Variants in CNOT4 observed in about 807,000 individuals in gnomAD.
CNOT4 encodes CCR4-associated factor 4.
A neutral mutation model predicts 73.8 loss-of-function variants in CNOT4; 8 were observed. The observed-to-expected ratio is 0.11, with a 90% CI of 0.06 to 0.20. The LOEUF (loss-of-function observed/expected upper bound fraction) is 0.20. CNOT4 is among the 10% of genes least tolerant of loss of function. CNOT4 has a pLI of 1.00. For synonymous variants in CNOT4, 293 were observed against 321.1 expected (o/e 0.91, Z 0.94); for missense variants, 564 against 883.4 (o/e 0.64, Z 4.58).
At chr7:135,424,831 G>T (rs1798405180) in intron 2 of CNOT4, among the ~76,000 whole-genome samples, 1 of 151,926 alleles carries the variant, frequency 6.6e-6, no homozygotes, top group Non-Finnish European at 1.5e-5. Flanking sequence ...AAACAAACAA[G>T]TTCATTTGAA....
intron 10 of CNOT4, among the ~76,000 whole-genome samples, chr7:135,384,049 T>TAAGCTG (rs1345763614): frequency 2.6e-5 from 4 of 152,200 alleles, no homozygotes; most frequent in Admixed American, 2.0e-4. Flanking sequence ...CTCTTATCTT[T>TAAGCTG]ACACAGCAAC....
chr7:135,475,177 C>G (rs1214812979), intron 1 of CNOT4, among the ~76,000 whole-genome samples: 1 of 152,094 alleles, frequency 6.6e-6, no homozygotes, highest in African/African-American at 2.4e-5. Context: ...ACAAACAAGC[C>G]AAATTCTACA....
At chr7:135,368,310 GCAA>G (rs1043534683) in intron 10 of CNOT4, among the ~76,000 whole-genome samples, 10 of 152,208 alleles carry the variant, frequency 6.6e-5, no homozygotes, top group Middle Eastern at 3.4e-3. Flanking sequence ...CTAGTTTTCA[GCAA>G]CAACAACAGT....
intron 2 of CNOT4, among the ~76,000 whole-genome samples, chr7:135,425,121 A>C (rs567652736): frequency 6.6e-6 from 1 of 152,332 alleles, no homozygotes; most frequent in Admixed American, 6.5e-5. Flanking sequence ...GCCATGCATA[A>C]TAGCACTCTA....
intron 1 of CNOT4, among the ~76,000 whole-genome samples, chr7:135,441,283 G>A (rs1799465702): frequency 6.6e-6 from 1 of 151,464 alleles, no homozygotes; most frequent in Non-Finnish European, 1.5e-5. Context: ...TTTAAAAAAA[G>A]AGGAAAATTG....
intron 7 of CNOT4, among the ~76,000 whole-genome samples, chr7:135,403,644 T>A (rs1380863686): frequency 6.6e-6 from 1 of 152,156 alleles, no homozygotes; most frequent in Non-Finnish European, 1.5e-5. Flanking sequence ...AAATGTGCCT[T>A]ATTAAACCTA....
chr7:135,468,537 C>T (rs1801369903), intron 1 of CNOT4, among the ~76,000 whole-genome samples: 1 of 151,946 alleles, frequency 6.6e-6, no homozygotes, highest in Admixed American at 6.6e-5. Context: ...AAAAGTTAGC[C>T]AGGTGTGGTG....
chr7:135,403,799 C>T (rs1216545753), intron 7 of CNOT4, among the ~76,000 whole-genome samples: 2 of 152,144 alleles, frequency 1.3e-5, no homozygotes, highest in African/African-American at 4.8e-5. Flanking sequence ...AAAATATGGA[C>T]ATCTACTAGC....
At chr7:135,503,679 G>A (rs1804155722) in intron 1 of CNOT4, among the ~76,000 whole-genome samples, 2 of 152,044 alleles carry the variant, frequency 1.3e-5, no homozygotes, top group Admixed American at 1.3e-4. Flanking sequence ...GGAAGACATA[G>A]GTCCCTACTG....
At chr7:135,468,160 G>C (rs968175499) in intron 1 of CNOT4, among the ~76,000 whole-genome samples, 4 of 151,906 alleles carry the variant, frequency 2.6e-5, no homozygotes, top group Admixed American at 2.6e-4. Flanking sequence ...AGCTTGCAGT[G>C]AGCAAAGATG....
intron 7 of CNOT4, among the ~76,000 whole-genome samples, chr7:135,406,236 T>C (rs1797273348): frequency 1.3e-5 from 2 of 151,952 alleles, no homozygotes; most frequent in African/African-American, 4.8e-5. Flanking sequence ...TCTCTGTAAC[T>C]TGGGCCATTA....
At position 135,495,678 on chromosome 7, in the gene CNOT4, AAAAAAAAAAAAAAAAGAAAGAAAG is replaced by A. The variant is rs1563083337; in HGVS notation, c.-93+14187_-93+14210del. 2.0e-3 allele frequency among the ~76,000 whole-genome samples: 189 copies of A among 95,162 alleles called. 1 individual carries two copies. The highest frequency in any genetic ancestry group is 3.4e-3 in the Non-Finnish European group (155 of 46,244). 62.4% of individuals were successfully genotyped at this position (95,162 alleles called of 152,430 possible). A position where few individuals can be genotyped will look rare whatever the true frequency, so the allele number is the denominator to read the frequency against. The stretch of plus-strand genomic sequence containing the variant: ...GAGTGAGACCCTGTGTCAAAAAAAA[AAAAAAAAAAAAAAAAGAAAGAAAG>A]AAAGAAAGAAAGAAAGAAAGAAAGA... On this transcript the variant is annotated intron_variant, in intron 1 of 11. Coordinates refer to ENST00000541284, the MANE Select transcript of CNOT4 (RefSeq NM_001190850.2).
At chr7:135,399,925 AG>A (rs1194113943) in intron 7 of CNOT4, among the ~76,000 whole-genome samples, 1 of 152,146 alleles carries the variant, frequency 6.6e-6, no homozygotes, top group Non-Finnish European at 1.5e-5. Context: ...TGCACAAATA[AG>A]GTAAGTACAA....
rs543263045 is a variant in CNOT4, at chr7:135,370,291, CA to C, written c.1628-6226del. On this transcript the variant is annotated intron_variant, in intron 10 of 11. Transcript: ENST00000541284. ...AACAAAGTAACAGTCAAAACAACAA[CA>C]ACAAAAAAGGCAATATTTGTTTATA... Among the ~76,000 whole-genome samples, 651 of 152,210 alleles carry C rather than the reference CA, an allele frequency of 4.3e-3. 12 individuals are homozygous for C. Among genetic ancestry groups the C allele is most frequent in the Admixed American group, 0.039 (589 of 15,294 alleles).
intron 2 of CNOT4, among the ~76,000 whole-genome samples, chr7:135,435,922 C>T (rs148013910): frequency 2.6e-3 from 399 of 151,730 alleles, no homozygotes; most frequent in African/African-American, 8.9e-3. Flanking sequence ...TGCTACATGG[C>T]ACAAAAAAGG....
intron 1 of CNOT4, among the ~76,000 whole-genome samples, chr7:135,462,036 T>C (rs1462828106): frequency 6.6e-6 from 1 of 151,876 alleles, no homozygotes; most frequent in Non-Finnish European, 1.5e-5. Context: ...CTTAAGAGTA[T>C]ATTCACTTTA....
intron 10 of CNOT4, among the ~76,000 whole-genome samples, chr7:135,389,267 A>G (rs1796280668): frequency 6.6e-6 from 1 of 151,928 alleles, no homozygotes; most frequent in African/African-American, 2.4e-5. Flanking sequence ...TTGTGAAAAA[A>G]TTAAACCTTG....
At chr7:135,408,736 G>C (rs76054058) in intron 7 of CNOT4, among the ~76,000 whole-genome samples, 11,248 of 152,196 alleles carry the variant, frequency 0.074, 492 homozygotes, top group Middle Eastern at 0.13. Flanking sequence ...AGAGTGCCCA[G>C]AGGAAATCCA....
At chr7:135,473,882 G>A (rs914686975) in intron 1 of CNOT4, among the ~76,000 whole-genome samples, 24 of 152,120 alleles carry the variant, frequency 1.6e-4, no homozygotes, top group African/African-American at 4.8e-4. Flanking sequence ...CCCCATCCAA[G>A]AGTAGAATAG....
Sources: gnomAD v4.1 joint callset for allele counts (sites outside exome capture counted in the v4.1 genomes callset) on GRCh38, gnomAD v4.1.1 for gene constraint, MANE v1.5 for transcripts, NCBI Gene and HGNC (gene_info 2026-07-23, HGNC 2026-07-21) for gene names.